VWF: variants seen among roughly 807,000 people sequenced by gnomAD.
VWF encodes the protein von Willebrand factor, also known as Factor VIII related antigen.
A neutral mutation model predicts 308.6 loss-of-function variants in VWF; 176 were observed. That is an observed-to-expected ratio of 0.57 (90% CI 0.50 to 0.65). The LOEUF is 0.65. Ranked by LOEUF, VWF falls within the 30% of genes least tolerant of loss-of-function variation. The probability of loss-of-function intolerance (pLI) is 0.00; values close to 1 mark genes in which losing one functional copy is unlikely to be tolerated. For missense variants in VWF, 3,146 were observed against 3,648.2 expected (o/e 0.86, Z 3.55); for synonymous variants, 1,385 against 1,443.4 (o/e 0.96, Z 0.92).
chr12:6,009,896 T>C (rs1943972990), intron 34 of VWF, among the ~76,000 whole-genome samples: 1 of 152,228 alleles, frequency 6.6e-6, no homozygotes, highest in South Asian at 2.1e-4. Flanking sequence ...AACTACTGCA[T>C]GAATCCACTT....
At chr12:6,045,634 T>G (rs1944439536) in intron 17 of VWF, among the ~76,000 whole-genome samples, 1 of 152,162 alleles carries the variant, frequency 6.6e-6, no homozygotes, top group Admixed American at 6.5e-5. Context: ...AGAGACGCTC[T>G]CCAGTCGGTC....
chr12:6,035,112 G>A lies in VWF; in HGVS notation c.2547-286C>T, dbSNP rs551487294. ...AGCCAGGCAGCCAGGGAGGAGGCCC[G>A]GATGCTCTTTAGGCCTCCTGTTATG... On this transcript the variant is annotated intron_variant, in intron 19 of 51. Coordinates refer to ENST00000261405, the MANE Select transcript of VWF (RefSeq NM_000552.5). Among the ~76,000 whole-genome samples, 335 of 152,288 alleles carry A rather than the reference G, an allele frequency of 2.2e-3. 1 individual carries two copies. Among genetic ancestry groups the A allele is most frequent in the African/African-American group, 7.5e-3 (311 of 41,552 alleles).
chr12:5,993,480 C>T (rs556512393), intron 37 of VWF, among the ~76,000 whole-genome samples: 1 of 152,132 alleles, frequency 6.6e-6, no homozygotes, highest in African/African-American at 2.4e-5. Context: ...TTCAATGTGA[C>T]TGGTTACACA....
Position 6,016,847 on chromosome 12 carries a change from T to G in VWF, c.5077A>C (p.Ile1693Leu), listed in dbSNP as rs1200649735. 1 of 1,614,030 alleles carries G rather than the reference T, an allele frequency of 6.2e-7. No homozygotes were observed. Among genetic ancestry groups the G allele is most frequent in the East Asian group, 2.2e-5 (1 of 44,884 alleles). ...APDCSQPLDV[I>L]LLLDGSSSFP... ...CTGGAGGAGCCATCCAGGAGAAGGA[T>G]CACGTCCAGGGGCTGGCTGCAGTCT... The change falls in exon 29 of 52, where the codon ATC (isoleucine) becomes CTC (leucine). Residue 1693 changes from isoleucine to leucine, a missense_variant. This residue lies in a region of VWF where 853 missense variants were observed against 1,177.8 expected (regional missense o/e 0.72). Coordinates refer to ENST00000261405, the MANE Select transcript of VWF (RefSeq NM_000552.5).
intron 13 of VWF, among the ~76,000 whole-genome samples, chr12:6,061,471 GAAAAAA>G (rs10559016): frequency 8.2e-6 from 1 of 121,364 alleles, no homozygotes; most frequent in Non-Finnish European, 1.8e-5. Flanking sequence ...TTCATAAAAG[GAAAAAA>G]AAAAAAAAAA....
chr12:6,108,368 A>ACACACACACACACAC (rs1565393069), intron 5 of VWF, among the ~76,000 whole-genome samples: 1 of 92,616 alleles, frequency 1.1e-5, no homozygotes. Flanking sequence ...CACACACACA[A>ACACACACACACACAC]AGCAAAATTT....
intron 5 of VWF, among the ~76,000 whole-genome samples, chr12:6,104,314 C>G (rs1454396051): frequency 6.6e-6 from 1 of 151,708 alleles, no homozygotes; most frequent in Non-Finnish European, 1.5e-5. Context: ...GGAACTCTTA[C>G]ACACTGTTGG....
At chr12:5,968,589 A>G (rs548450002) in intron 45 of VWF, among the ~76,000 whole-genome samples, 2 of 152,304 alleles carry the variant, frequency 1.3e-5, no homozygotes, top group South Asian at 4.1e-4. Context: ...TGAGGTCAGG[A>G]GTTCAAGACC....
intron 34 of VWF, among the ~76,000 whole-genome samples, chr12:5,997,727 T>C (rs1156905293): frequency 6.6e-6 from 1 of 152,230 alleles, no homozygotes; most frequent in Non-Finnish European, 1.5e-5. Flanking sequence ...AATTGCTGTA[T>C]TGTAGGTATA....
chr12:5,954,808 T>G (rs723190), intron 47 of VWF, among the ~76,000 whole-genome samples: 1 of 152,160 alleles, frequency 6.6e-6, no homozygotes, highest in African/African-American at 2.4e-5. Context: ...GAGAGTTTGC[T>G]GTCTGAATTC....
At chr12:5,988,412 T>C (rs556121611) in intron 38 of VWF, among the ~76,000 whole-genome samples, 4 of 152,250 alleles carry the variant, frequency 2.6e-5, no homozygotes, top group African/African-American at 7.2e-5. Context: ...GGGGGTCGAA[T>C]TGGCAGACAT....
intron 5 of VWF, among the ~76,000 whole-genome samples, chr12:6,106,103 TA>T (rs1945240580): frequency 6.6e-6 from 1 of 152,166 alleles, no homozygotes; most frequent in African/African-American, 2.4e-5. Context: ...CCTATACTCA[TA>T]GCAGCTTTAT....
intron 5 of VWF, among the ~76,000 whole-genome samples, chr12:6,099,809 T>C (rs1335795795): frequency 6.6e-6 from 1 of 152,136 alleles, no homozygotes; most frequent in Admixed American, 6.6e-5. Context: ...ACCTAGGCAT[T>C]ACCATTCAGG....
At chr12:5,951,334 C>A (rs928301967) in intron 50 of VWF, among the ~76,000 whole-genome samples, 1 of 152,100 alleles carries the variant, frequency 6.6e-6, no homozygotes, top group Non-Finnish European at 1.5e-5. Context: ...CTTAGACCAG[C>A]CCCCACAGCA....
At chr12:6,007,959 T>C (rs1464164964) in intron 34 of VWF, among the ~76,000 whole-genome samples, 1 of 152,050 alleles carries the variant, frequency 6.6e-6, no homozygotes, top group Non-Finnish European at 1.5e-5. Context: ...AATGAATAAA[T>C]CCCTGAAACA....
intron 49 of VWF, 108 bp downstream of exon 49, chr12:5,952,283 G>T: frequency 6.8e-7 from 1 of 1,461,010 alleles, no homozygotes; most frequent in Non-Finnish European, 9.6e-7. Flanking sequence ...GGCCAGAGAT[G>T]TGCCTCAGAC....
intron 50 of VWF, among the ~76,000 whole-genome samples, chr12:5,951,007 T>C (rs1294315939): frequency 6.6e-6 from 1 of 152,174 alleles, no homozygotes; most frequent in East Asian, 1.9e-4. Context: ...CTGAAAGTAT[T>C]CATGTTTTCA....
chr12:5,954,977 G>C (rs1943230710), intron 47 of VWF, among the ~76,000 whole-genome samples: 1 of 152,090 alleles, frequency 6.6e-6, no homozygotes, highest in Non-Finnish European at 1.5e-5. Flanking sequence ...TAAAAATCAA[G>C]ACTTCTATAG....
At chr12:6,077,247 G>T (rs1456575698) in intron 6 of VWF, among the ~76,000 whole-genome samples, 5 of 152,184 alleles carry the variant, frequency 3.3e-5, no homozygotes, top group Non-Finnish European at 7.3e-5. Flanking sequence ...GGGCAGGGGT[G>T]GAGGTTAAAG....
Sources: allele counts gnomAD v4.1 joint callset (sites outside exome capture counted in the v4.1 genomes callset), GRCh38; gene constraint gnomAD v4.1.1; regional missense constraint gnomAD v4.1.1; transcripts MANE v1.5; gene names NCBI Gene and HGNC (gene_info 2026-07-23, HGNC 2026-07-21).